The following KAT6A variants were observed in gnomAD, a reference collection of about 807,000 sequenced individuals.
KAT6A encodes histone acetyltransferase KAT6A.
Under a neutral mutation model 198.4 loss-of-function variants are expected in KAT6A, and 9 were observed. That is an observed-to-expected ratio of 0.05 (90% confidence interval 0.03 to 0.08). KAT6A has a LOEUF of 0.08. Among genes scored for constraint, KAT6A ranks in the 10% least tolerant of loss-of-function variants. KAT6A has a pLI of 1.00. For synonymous variants in KAT6A, 890 were observed against 883.0 expected, an observed-to-expected ratio of 1.01 and a Z score of -0.14; for missense variants, 2,077 against 2,509.9, an observed-to-expected ratio of 0.83 and a Z score of 3.69.
In KAT6A at chr8:41,957,084, C is replaced by T. The variant is rs773446255; in HGVS notation, c.1483-1673G>A. ...ACTGTCTGTTGTTTGAGGGTCTTCC[C>T]ATCAGCTGCCCGCTGCTCTTCTAGG... is the stretch of plus-strand genomic sequence containing the variant. On this transcript the variant is annotated intron_variant, in intron 8 of 16. Transcript: ENST00000265713. The T allele has an allele frequency of 3.3e-5, 20 of 602,844 alleles. No homozygotes were observed. The Admixed American group carries it at 3.7e-4, about 11-fold the overall frequency. The allele number at this position is 602,844 out of a possible 1,614,324, so 37.3% of individuals were successfully genotyped here.
intron 3 of KAT6A, 40 bp downstream of exon 3, chr8:41,987,415 G>A (rs746070347): frequency 8.7e-6 from 11 of 1,266,908 alleles, no homozygotes; most frequent in South Asian, 2.4e-5. Flanking sequence ...GCTTGCCTTC[G>A]TAACACATTT....
intron 15 of KAT6A, among the ~76,000 whole-genome samples, chr8:41,940,514 T>C (rs1822057665): frequency 6.6e-6 from 1 of 152,176 alleles, no homozygotes; most frequent in African/African-American, 2.4e-5. Flanking sequence ...TTTAAAGATA[T>C]TTTAGGGCTT....
intron 11 of KAT6A, among the ~76,000 whole-genome samples, chr8:41,946,890 GAGTAAAAATATAT>G: frequency 6.6e-6 from 1 of 152,212 alleles, no homozygotes; most frequent in Admixed American, 6.5e-5. Flanking sequence ...CATCCCAGGA[GAGTAAAAATATAT>G]AACAAAACAA....
At chr8:41,989,527 T>TG (rs879819904) in intron 2 of KAT6A, among the ~76,000 whole-genome samples, 67 of 147,272 alleles carry the variant, frequency 4.5e-4, no homozygotes, top group Admixed American at 3.4e-4. Context: ...TAACATAACG[T>TG]AACGTGACGT....
Position 41,933,104 on chromosome 8 carries a change from T to C in KAT6A, c.5116A>G (p.Ser1706Gly). Reference protein sequence around the residue: ...PQQQPPLSQCSMNNSFTPAPM... With the variant: ...PQQQPPLSQCGMNNSFTPAPM... Reference sequence around the variant, plus strand: ...GCTGGGGTGAAACTGTTATTCATACTACACTGTGACAGCGGGGGCTGCTGC... The same window carrying C: ...GCTGGGGTGAAACTGTTATTCATACCACACTGTGACAGCGGGGGCTGCTGC... The change falls in exon 17 of 17, where the codon AGT becomes GGT. Residue 1706 changes from serine to glycine, a missense_variant. Around this residue, in one of 13 missense-constraint regions of KAT6A, gnomAD observed 500 missense variants for 577.2 expected, o/e 0.87. Coordinates refer to ENST00000265713, the MANE Select transcript of KAT6A (RefSeq NM_006766.5). The surrounding 1 kb of genome is among the most constrained non-coding windows in gnomAD (Gnocchi z 6.2). 3.2e-6 allele frequency: 5 copies of C among 1,582,356 alleles called. No individual in the cohort carries two copies. The highest frequency in any genetic ancestry group is 1.1e-5 in the South Asian group (1 of 90,360).
At chr8:42,001,920 T>C (rs1421305800) in intron 2 of KAT6A, among the ~76,000 whole-genome samples, 1 of 152,202 alleles carries the variant, frequency 6.6e-6, no homozygotes, top group Admixed American at 6.5e-5. Context: ...TCTGCTTCAT[T>C]GTTTTTAGTT....
At chr8:41,976,366 T>C (rs1465517580) in intron 7 of KAT6A, among the ~76,000 whole-genome samples, 1 of 152,338 alleles carries the variant, frequency 6.6e-6, no homozygotes, top group East Asian at 1.9e-4. Context: ...GGACAGTTAA[T>C]CAAATTCTTC....
Position 41,934,602 on chromosome 8 carries a change from C to T in KAT6A, c.3618G>A (p.Glu1206=). ...CTTTTGGCTCAACAGTTTCTTCACTCTCCTGGATCTTGGGTTTACGTCCAG... is the reference window on the plus strand; with the variant it reads ...CTTTTGGCTCAACAGTTTCTTCACTTTCCTGGATCTTGGGTTTACGTCCAG... ...PKAGRKPKIQ[E]SEETVEPKED... is the part of the protein sequence containing the mutation. The change falls in exon 17 of 17, where the codon GAG becomes GAA. Residue 1206 remains glutamate (E), a synonymous_variant. Transcript: ENST00000265713. 6.2e-7 allele frequency: 1 copy of T among 1,614,104 alleles called. No homozygotes were observed. The highest frequency in any genetic ancestry group is 8.5e-7 in the Non-Finnish European group (1 of 1,180,024).
At chr8:41,935,305 ATTTAC>A (rs1295434711) in intron 16 of KAT6A, among the ~76,000 whole-genome samples, 4 of 151,664 alleles carry the variant, frequency 2.6e-5, no homozygotes, top group Admixed American at 6.6e-5. Context: ...TCTGCTTGTG[ATTTAC>A]TTTATCTCTC....
chr8:42,020,587 G>A (rs543640153), intron 2 of KAT6A, among the ~76,000 whole-genome samples: 7 of 152,216 alleles, frequency 4.6e-5, no homozygotes, highest in East Asian at 3.9e-4. Flanking sequence ...GGACATAGAC[G>A]TTCAGCAGAA....
chr8:41,967,510 C>T (rs1587756184), intron 8 of KAT6A, among the ~76,000 whole-genome samples: 1 of 144,202 alleles, frequency 6.9e-6, no homozygotes, highest in Non-Finnish European at 1.5e-5. Context: ...TGTGTTCTCA[C>T]TGTTCAATTC....
intron 2 of KAT6A, among the ~76,000 whole-genome samples, chr8:42,000,407 G>A (rs559801969): frequency 3.2e-4 from 49 of 151,870 alleles, no homozygotes; most frequent in African/African-American, 9.2e-4. Context: ...AAAAATTAGC[G>A]GGGTGTGGTG....
chr8:41,945,724 G>A (rs1450006527), intron 12 of KAT6A, among the ~76,000 whole-genome samples: 1 of 150,884 alleles, frequency 6.6e-6, no homozygotes, highest in East Asian at 2.0e-4. Context: ...AATATTAGCT[G>A]TTTAAAAATA....
chr8:41,933,711 A>G lies in KAT6A; in HGVS notation c.4509T>C (p.Pro1503=). The change falls in exon 17 of 17, where the codon CCT becomes CCC. Residue 1503 remains proline (P), a synonymous_variant. Coordinates refer to ENST00000265713, the MANE Select transcript of KAT6A (RefSeq NM_006766.5). This position sits in a 1 kb window ranked among gnomAD's most constrained non-coding sequence, Gnocchi z 6.2. The part of the protein sequence containing the change: ...SVRSVSSPNV[P]ALESGYTQIS... ...TCTGGGTGTAGCCACTCTCAAGGGC[A>G]GGCACGTTGGGACTGCTGACCGAAC... 6.2e-7 allele frequency: 1 copy of G among 1,614,120 alleles called. No individual in the cohort carries two copies. The highest frequency in any genetic ancestry group is 2.2e-5 in the East Asian group (1 of 44,864).
intron 8 of KAT6A, among the ~76,000 whole-genome samples, chr8:41,962,063 T>C (rs1823229077): frequency 6.6e-6 from 1 of 152,178 alleles, no homozygotes; most frequent in Non-Finnish European, 1.5e-5. Flanking sequence ...CAACACATTC[T>C]TCACTTAGCT....
chr8:41,960,305 C>T lies in KAT6A; in HGVS notation c.1483-4894G>A, dbSNP rs562467893. On this transcript the variant is annotated intron_variant, in intron 8 of 16. Transcript: ENST00000265713. ...TTAAAAATGGTCTGGTTAGGCCGGG[C>T]GCAGTGGCTCATGCCTGTAATCCCA... 1.5e-3 allele frequency among the ~76,000 whole-genome samples: 221 copies of T among 151,950 alleles called. 1 individual carries two copies. The highest frequency in any genetic ancestry group is 1.5e-3 in the Non-Finnish European group (105 of 67,928).
At chr8:41,986,211 T>C (rs1183390670) in intron 3 of KAT6A, among the ~76,000 whole-genome samples, 1 of 152,236 alleles carries the variant, frequency 6.6e-6, no homozygotes, top group Non-Finnish European at 1.5e-5. Context: ...AATGCTGGGA[T>C]TACAGGCGTA....
At chr8:41,992,960 A>G (rs962785147) in intron 2 of KAT6A, among the ~76,000 whole-genome samples, 4 of 152,192 alleles carry the variant, frequency 2.6e-5, no homozygotes, top group African/African-American at 9.6e-5. Flanking sequence ...GTCTTCAAAC[A>G]TGTGTCTTTA....
At chr8:41,938,956 A>G (rs1338646380) in intron 15 of KAT6A, among the ~76,000 whole-genome samples, 4 of 109,848 alleles carry the variant, frequency 3.6e-5, no homozygotes, top group African/African-American at 7.6e-5. Flanking sequence ...TGGGGAAGGA[A>G]AAAAAAAAAA....
Sources: allele counts gnomAD v4.1 joint callset (sites outside exome capture counted in the v4.1 genomes callset), GRCh38; gene constraint gnomAD v4.1.1; regional missense constraint gnomAD v4.1.1; non-coding constraint Gnocchi (gnomAD v3.1); transcripts MANE v1.5; gene names NCBI Gene and HGNC (gene_info 2026-07-23, HGNC 2026-07-21).